Variants in VPS72 observed in about 807,000 individuals in gnomAD.
The protein encoded by VPS72 is vacuolar protein sorting-associated protein 72 homolog.
VPS72 carries 27 observed loss-of-function variants against 38.9 expected under a neutral mutation model. The observed-to-expected ratio is 0.69, with a 90% CI of 0.51 to 0.96. The LOEUF is 0.96. Ranked by LOEUF, VPS72 falls within the 40% of genes least tolerant of loss-of-function variation. The pLI is 0.00. For missense variants in VPS72, 360 were observed against 479.5 expected (o/e 0.75, Z 2.33); for synonymous variants, 173 against 186.3 (o/e 0.93, Z 0.58).
At position 151,177,995 on chromosome 1, in the gene VPS72, A is replaced by G. The variant is rs1165806316; in HGVS notation, c.707+6T>C. 5.0e-6 allele frequency: 8 copies of G among 1,612,752 alleles called. No individual in the cohort carries two copies. The highest frequency in any genetic ancestry group is 1.1e-5 in the South Asian group (1 of 90,904). ...ACAATCTCTTTTCCTCTTGAGATTC[A>G]CTCACCCTTCTATGTCAACGTTCTC... is the stretch of plus-strand genomic sequence containing the variant. On this transcript the variant is annotated splice_donor_region_variant and intron_variant, in intron 5 of 5. Coordinates refer to ENST00000368892, the MANE Select transcript of VPS72 (RefSeq NM_005997.3).
intron 5 of VPS72, among the ~76,000 whole-genome samples, chr1:151,177,595 G>A (rs587666038): frequency 1.7e-4 from 26 of 151,866 alleles, no homozygotes; most frequent in African/African-American, 5.1e-4. Context: ...GGCTGGGCGC[G>A]GTGGCTCACA....
At chr1:151,182,321 G>A (rs1684258286) in intron 4 of VPS72, among the ~76,000 whole-genome samples, 2 of 152,052 alleles carry the variant, frequency 1.3e-5, no homozygotes, top group African/African-American at 2.4e-5. Context: ...GAGCCACGGC[G>A]CCCGGCCACC....
intron 3 of VPS72, 131 bp downstream of exon 3, chr1:151,185,375 C>T: frequency 3.6e-6 from 3 of 844,940 alleles, no homozygotes; most frequent in South Asian, 2.9e-5. Context: ...ATCTACCCGC[C>T]TAGGCCTCCC....
intron 4 of VPS72, 90 bp downstream of exon 4, chr1:151,184,227 A>G: frequency 6.7e-7 from 1 of 1,499,610 alleles, no homozygotes; most frequent in Non-Finnish European, 9.0e-7. Flanking sequence ...CCAAATTTCC[A>G]TCTCTCCAGT....
chr1:151,181,836 G>A (rs1487672520), intron 4 of VPS72, among the ~76,000 whole-genome samples: 3 of 152,034 alleles, frequency 2.0e-5, no homozygotes, highest in East Asian at 1.9e-4. Context: ...AAGACATCAG[G>A]TGAGAACCTC....
intron 5 of VPS72, among the ~76,000 whole-genome samples, chr1:151,177,298 T>A (rs587727532): frequency 1.3e-5 from 2 of 148,632 alleles, no homozygotes; most frequent in Non-Finnish European, 3.0e-5. Flanking sequence ...GGCAGGAGAA[T>A]CACTTGAAGC....
intron 4 of VPS72, among the ~76,000 whole-genome samples, chr1:151,179,154 T>C (rs1406643672): frequency 6.6e-6 from 1 of 151,912 alleles, no homozygotes; most frequent in Non-Finnish European, 1.5e-5. Flanking sequence ...TGGTAGCACA[T>C]GACTATAATC....
At chr1:151,184,235 A>C in intron 4 of VPS72, 82 bp downstream of exon 4, 2 of 1,529,594 alleles carry the variant, frequency 1.3e-6, no homozygotes, top group Non-Finnish European at 1.8e-6. Flanking sequence ...CCATCTCTCC[A>C]GTTCTTTGGT....
intron 1 of VPS72, among the ~76,000 whole-genome samples, chr1:151,187,173 A>T (rs1264848622): frequency 6.6e-6 from 1 of 152,172 alleles, no homozygotes; most frequent in Non-Finnish European, 1.5e-5. Flanking sequence ...CCTCAGGTGA[A>T]CTGGTTAGGG....
intron 4 of VPS72, among the ~76,000 whole-genome samples, chr1:151,182,500 G>A (rs587706288): frequency 2.0e-5 from 3 of 152,030 alleles, no homozygotes; most frequent in African/African-American, 4.8e-5. Flanking sequence ...TAATATCTTC[G>A]AATAAAATAA....
At chr1:151,177,974 T>C in intron 5 of VPS72, 27 bp downstream of exon 5, 1 of 1,608,862 alleles carries the variant, frequency 6.2e-7, no homozygotes, top group Non-Finnish European at 8.5e-7. Context: ...GAACACACAA[T>C]CTCTTTTCCT....
rs764696058 is a variant in VPS72, at chr1:151,184,204, T to G, written c.562+113A>C. On this transcript the variant is annotated intron_variant, in intron 4 of 5. Transcript: ENST00000368892. ...CCTACTCTCCGCCATTTCTTCCTTC[T>G]GATTCCATCATCCCAAATTTCCATC... The G allele has an allele frequency of 2.9e-4, 406 of 1,406,732 alleles. 4 individuals carry two copies. The Middle Eastern group carries it at 6.0e-3, about 21-fold the overall frequency. The allele number at this position is 1,406,732 out of a possible 1,614,324, so 87.1% of individuals were successfully genotyped here.
rs148169645 is a variant in VPS72, at chr1:151,176,976, C to T, written c.763G>A (p.Val255Ile). The T allele has an allele frequency of 6.3e-4, 1,004 of 1,603,204 alleles. 6 individuals are homozygous for T. The African/African-American group carries it at 0.011, about 18-fold the overall frequency. ...CGTGAGCAGCGAGCAGGGGGGTTGA[C>T]GGGTCCAGTCCCAGCATGAGGAGTC... Reference protein sequence around the residue: ...ALTPHAGTGPVNPPARCSRTF... With the variant: ...ALTPHAGTGPINPPARCSRTF... The change falls in exon 6 of 6, where the codon GTC becomes ATC. Residue 255 changes from valine (V) to isoleucine (I), a missense_variant. This residue lies in a region of VPS72 where 294 missense variants were observed against 356.3 expected (regional missense o/e 0.83). Transcript: ENST00000368892.
intron 1 of VPS72, 132 bp from the exon 2 acceptor site, chr1:151,186,082 C>T: frequency 8.2e-7 from 1 of 1,222,282 alleles, no homozygotes; most frequent in Non-Finnish European, 1.1e-6. Flanking sequence ...TCATTTTCCT[C>T]AGGCAAGAAA....
chr1:151,188,995 A>T (rs587645163), intron 1 of VPS72, among the ~76,000 whole-genome samples: 28 of 152,096 alleles, frequency 1.8e-4, no homozygotes, highest in African/African-American at 6.5e-4. Flanking sequence ...ACGCTTGGCT[A>T]ATTTTTGTAT....
intron 3 of VPS72, among the ~76,000 whole-genome samples, 190 bp from the exon 4 acceptor site, chr1:151,184,683 T>G (rs1431559269): frequency 6.6e-6 from 1 of 151,978 alleles, no homozygotes; most frequent in Non-Finnish European, 1.5e-5. Flanking sequence ...CTTCCTGGGT[T>G]CAAACAATTC....
At chr1:151,181,678 G>C (rs960360527) in intron 4 of VPS72, among the ~76,000 whole-genome samples, 1 of 152,094 alleles carries the variant, frequency 6.6e-6, no homozygotes, top group African/African-American at 2.4e-5. Context: ...GCACAGACTG[G>C]AACCACCATA....
rs781620572 is a variant in VPS72, at chr1:151,176,849, C to T, written c.890G>A (p.Arg297His). The change falls in exon 6 of 6, where the codon CGT becomes CAT. Residue 297 changes from arginine to histidine, a missense_variant. Physicochemically the swap from Arg to His is conservative, Grantham distance 29. Around this residue, in one of 2 missense-constraint regions of VPS72, gnomAD observed 294 missense variants for 356.3 expected, o/e 0.83. Transcript: ENST00000368892. ...PVREVCPVTH[R>H]PALYRDPVTD... is the part of the protein sequence containing the mutation. The stretch of plus-strand genomic sequence containing the variant: ...AACAGGGTCCCGGTATAGGGCTGGA[C>T]GATGGGTCACTGGACAGACCTCACG... 13 of 1,613,986 alleles carry T rather than the reference C, an allele frequency of 8.1e-6. No homozygotes were observed. Among genetic ancestry groups the T allele is most frequent in the South Asian group, 4.4e-5 (4 of 91,082 alleles).
Position 151,189,946 on chromosome 1 carries a change from T to C in VPS72, c.117+59A>G. On this transcript the variant is annotated intron_variant, in intron 1 of 5. Transcript: ENST00000368892. The stretch of plus-strand genomic sequence containing the variant: ...GCCCTCTTCTTCTTTGTCCGGGGTT[T>C]CTCCCTTCAGGGCTCCTCTTTGCCT... 3 of 1,579,146 alleles carry C rather than the reference T, an allele frequency of 1.9e-6. No homozygotes were observed. In the Admixed American group the frequency reaches 5.1e-5, roughly 27 times the overall value.
Sources: gnomAD v4.1 joint callset for allele counts (sites outside exome capture counted in the v4.1 genomes callset) on GRCh38, gnomAD v4.1.1 for gene constraint, gnomAD v4.1.1 regional missense constraint, MANE v1.5 for transcripts, NCBI Gene and HGNC (gene_info 2026-07-23, HGNC 2026-07-21) for gene names.